DYNC1H1: variants seen among roughly 807,000 people sequenced by gnomAD.
The protein encoded by DYNC1H1 is dynein cytoplasmic 1 heavy chain 1.
DYNC1H1 carries 51 observed loss-of-function variants against 527.1 expected under a neutral mutation model. That is an observed-to-expected ratio of 0.10 (90% CI 0.08 to 0.12). The LOEUF is 0.12. Among genes scored for constraint, DYNC1H1 ranks in the 10% least tolerant of loss-of-function variants. DYNC1H1 has a pLI of 1.00. For missense variants in DYNC1H1, 2,771 were observed against 5,971.8 expected, an observed-to-expected ratio of 0.46 and a Z score of 17.66; for synonymous variants, 2,189 against 2,278.8, an observed-to-expected ratio of 0.96 and a Z score of 1.12.
In DYNC1H1 at chr14:102,039,318, G is replaced by T; in HGVS notation, c.11460+64G>T. 1 of 1,611,928 alleles carries T rather than the reference G, an allele frequency of 6.2e-7. No homozygotes were observed. The highest frequency in any genetic ancestry group is 8.5e-7 in the Non-Finnish European group (1 of 1,179,956). ...ACAGTAGCTCCTTGGCCGCACAGAG[G>T]CTGGCGGGCCCTGCACAGTAGCTCC... On this transcript the variant is annotated intron_variant, in intron 60 of 77. Transcript: ENST00000360184. This position sits in a 1 kb window ranked among gnomAD's most constrained non-coding sequence, Gnocchi z 7.0.
chr14:102,032,085 A>G (rs1208972465), intron 51 of DYNC1H1, among the ~76,000 whole-genome samples, 187 bp from the exon 52 acceptor site: 2 of 152,228 alleles, frequency 1.3e-5, no homozygotes, highest in Non-Finnish European at 2.9e-5. Flanking sequence ...CATTTAAGAG[A>G]TCAGCTACTT....
chr14:101,972,848 A>G (rs541991057), intron 1 of DYNC1H1, among the ~76,000 whole-genome samples: 1 of 152,304 alleles, frequency 6.6e-6, no homozygotes, highest in African/African-American at 2.4e-5. Flanking sequence ...TTTTATATAA[A>G]TGGTAGAACA....
rs1179960330 is a variant in DYNC1H1 at position 101,983,796 on chromosome 14, G to A, written c.1461+187G>A. On this transcript the variant is annotated intron_variant, in intron 7 of 77. Coordinates refer to ENST00000360184, the MANE Select transcript of DYNC1H1 (RefSeq NM_001376.5). This position sits in a 1 kb window ranked among gnomAD's most constrained non-coding sequence, Gnocchi z 5.3. The stretch of plus-strand genomic sequence containing the variant: ...GGGTTCAAGCGATTCTCCTGCCTCA[G>A]CCTCTCGAGTAGCTGGGATTACAGG... Among the ~76,000 whole-genome samples, 1 of 151,958 alleles carries A rather than the reference G, an allele frequency of 6.6e-6. No homozygotes were observed.
At chr14:102,021,575 C>T (rs565886550) in intron 42 of DYNC1H1, among the ~76,000 whole-genome samples, 2 of 152,090 alleles carry the variant, frequency 1.3e-5, no homozygotes, top group Admixed American at 1.3e-4. Context: ...AGCGCAGTCA[C>T]AGTCTCGCCT....
In DYNC1H1 at chr14:102,005,823, A is replaced by G. The variant is rs888884577; in HGVS notation, c.5434-65A>G. The stretch of plus-strand genomic sequence containing the variant: ...CTCAATTTCAGTTTAACAGTCCACA[A>G]ACCCGGAGAATGCACTGTATTGCTT... On this transcript the variant is annotated intron_variant, in intron 26 of 77. Coordinates refer to ENST00000360184, the MANE Select transcript of DYNC1H1 (RefSeq NM_001376.5). This position sits in a 1 kb window ranked among gnomAD's most constrained non-coding sequence, Gnocchi z 4.0. The G allele has an allele frequency of 2.5e-6, 4 of 1,603,002 alleles. No individual in the cohort carries two copies. Among genetic ancestry groups the G allele is most frequent in the Non-Finnish European group, 3.4e-6 (4 of 1,171,066 alleles).
intron 44 of DYNC1H1, chr14:102,026,910 C>G (rs951530462): frequency 9.7e-6 from 8 of 825,494 alleles, no homozygotes; most frequent in African/African-American, 5.1e-5. Flanking sequence ...CTTCCTCCCC[C>G]AGCACTGCAT....
Position 102,012,683 on chromosome 14 carries a change from C to G in DYNC1H1, c.7014+213C>G. ...ACATTTTAATAGGTTTTATTGATGG[C>G]TTTCTATCATTTATTGAGTAATAAG... is the stretch of plus-strand genomic sequence containing the variant. On this transcript the variant is annotated intron_variant, in intron 34 of 77. Transcript: ENST00000360184. The surrounding 1 kb of genome is among the most constrained non-coding windows in gnomAD (Gnocchi z 4.9). 1 of 629,982 alleles carries G rather than the reference C, an allele frequency of 1.6e-6. No homozygotes were observed. The highest frequency in any genetic ancestry group is 2.8e-6 in the Non-Finnish European group (1 of 360,666). 39.0% of individuals were successfully genotyped at this position (629,982 alleles called of 1,614,324 possible). A position where few individuals can be genotyped will look rare whatever the true frequency, so the allele number is the denominator to read the frequency against.
Position 102,038,375 on chromosome 14 carries a change from T to C in DYNC1H1, c.10909-85T>C. ...GGTGGCTTTTGGGAAGGTATGCTTA[T>C]CCAGAGTAGGACAGCAACATAGCAT... On this transcript the variant is annotated intron_variant, in intron 57 of 77. Coordinates refer to ENST00000360184, the MANE Select transcript of DYNC1H1 (RefSeq NM_001376.5). This position sits in a 1 kb window ranked among gnomAD's most constrained non-coding sequence, Gnocchi z 7.2. 6.4e-7 allele frequency: 1 copy of C among 1,567,032 alleles called. No homozygotes were observed. The highest frequency in any genetic ancestry group is 1.2e-5 in the South Asian group (1 of 86,522).
In DYNC1H1 at chr14:102,033,332, G is replaced by C; in HGVS notation, c.10261G>C (p.Asp3421His). 6.2e-7 allele frequency: 1 copy of C among 1,614,270 alleles called. No homozygotes were observed. The highest frequency in any genetic ancestry group is 8.5e-7 in the Non-Finnish European group (1 of 1,180,052). ...PLRNELQKLE[D>H]DAKDNQQKAN... ...ACGCAATGAGCTGCAGAAGCTGGAA[G>C]ATGACGCCAAGGACAACCAGCAGAA... is the stretch of plus-strand genomic sequence containing the variant. Residue 3421 changes from aspartate (D) to histidine (H), a missense_variant, in exon 54 of 78, where the codon GAT becomes CAT. Physicochemically the swap from Asp to His is moderately conservative, Grantham distance 81. Coordinates refer to ENST00000360184, the MANE Select transcript of DYNC1H1 (RefSeq NM_001376.5). This position sits in a 1 kb window ranked among gnomAD's most constrained non-coding sequence, Gnocchi z 5.6.
intron 41 of DYNC1H1, 43 bp from the exon 42 acceptor site, chr14:102,019,850 T>G (rs762549173): frequency 1.2e-6 from 2 of 1,613,088 alleles, no homozygotes; most frequent in Non-Finnish European, 1.7e-6. Flanking sequence ...TCTCTGTGTC[T>G]TAAGATATTT....
At position 101,988,705 on chromosome 14, in the gene DYNC1H1, T is replaced by G. The variant is rs114021657; in HGVS notation, c.2721T>G (p.Ile907Met). The G allele has an allele frequency of 6.2e-7, 1 of 1,614,048 alleles. No homozygotes were observed. Among genetic ancestry groups the G allele is most frequent in the African/African-American group, 1.3e-5 (1 of 74,910 alleles). ...CTCTGATATAACGTTGTCTGTAGATTGAAAGAATATTGGGCGTCCGTCTGC... is the reference window on the plus strand; with the variant it reads ...CTCTGATATAACGTTGTCTGTAGATGGAAAGAATATTGGGCGTCCGTCTGC... Reference protein sequence around the residue: ...PIWVNKLDMEIERILGVRLQA... With the variant: ...PIWVNKLDMEMERILGVRLQA... The change falls in exon 10 of 78, where the codon ATT becomes ATG. Residue 907 changes from isoleucine to methionine, a missense_variant and splice_region_variant. This residue lies in a region of DYNC1H1 where 179 missense variants were observed against 349.4 expected (regional missense o/e 0.51). Transcript: ENST00000360184.
intron 72 of DYNC1H1, among the ~76,000 whole-genome samples, chr14:102,046,638 A>G (rs2048723290): frequency 6.6e-6 from 1 of 152,218 alleles, no homozygotes; most frequent in African/African-American, 2.4e-5. Flanking sequence ...TTCTGAGTTA[A>G]GAGGGCAGGT....
At chr14:101,987,739 G>A in intron 9 of DYNC1H1, 107 bp downstream of exon 9, 2 of 1,315,852 alleles carry the variant, frequency 1.5e-6, no homozygotes, top group East Asian at 4.9e-5. Context: ...AATTATCTGT[G>A]ATAGTTCAAT....
chr14:102,056,408 G>T lies in DYNC1H1; in HGVS notation c.*5845G>T, dbSNP rs117208498. On this transcript the variant is annotated 3_prime_UTR_variant, in exon 78 of 78. Coordinates refer to ENST00000360184, the MANE Select transcript of DYNC1H1 (RefSeq NM_001376.5). ...TGGGATTTTAAGATGGTAACTTGCC[G>T]ATGCTCCCAGCTGAATAAAGCCCTT... 1 of 152,178 alleles carries T rather than the reference G, an allele frequency of 6.6e-6. No homozygotes were observed. Among genetic ancestry groups the T allele is most frequent in the South Asian group, 2.1e-4 (1 of 4,830 alleles). The allele number at this position is 152,178 out of a possible 1,614,324, so 9.4% of individuals were successfully genotyped here.
In DYNC1H1 at chr14:102,005,440, A is replaced by G. The variant is rs1416897590; in HGVS notation, c.5433+204A>G. ...CAGGGGCATGCAGGGGTTACGCGAC[A>G]TCACGGTAGAGAGGAAGGGATCAAC... On this transcript the variant is annotated intron_variant, in intron 26 of 77. Coordinates refer to ENST00000360184, the MANE Select transcript of DYNC1H1 (RefSeq NM_001376.5). The surrounding 1 kb of genome is among the most constrained non-coding windows in gnomAD (Gnocchi z 4.0). Among the ~76,000 whole-genome samples, 1 of 152,242 alleles carries G rather than the reference A, an allele frequency of 6.6e-6. No individual in the cohort carries two copies. Among genetic ancestry groups the G allele is most frequent in the Non-Finnish European group, 1.5e-5 (1 of 68,046 alleles).
At position 102,043,863 on chromosome 14, in the gene DYNC1H1, T is replaced by C. The variant is rs781162443; in HGVS notation, c.12514-12T>C. 1.2e-5 allele frequency: 20 copies of C among 1,614,082 alleles called. No homozygotes were observed. Among genetic ancestry groups the C allele is most frequent in the Non-Finnish European group, 1.6e-5 (19 of 1,180,044 alleles). ...TTCTAATGACTCTGTGCTTGGTCAC[T>C]TTCCTCACCAGTCTCCCAACGAGCG... is the stretch of plus-strand genomic sequence containing the variant. On this transcript the variant is annotated splice_polypyrimidine_tract_variant and intron_variant, in intron 69 of 77. Transcript: ENST00000360184.
intron 16 of DYNC1H1, among the ~76,000 whole-genome samples, chr14:101,999,559 A>C (rs1448850191): frequency 6.6e-6 from 1 of 152,242 alleles, no homozygotes; most frequent in African/African-American, 2.4e-5. Context: ...ATGCTGAAGT[A>C]GAGTCTGTTT....
chr14:101,984,550 G>T (rs2047910425), intron 7 of DYNC1H1, among the ~76,000 whole-genome samples: 1 of 146,672 alleles, frequency 6.8e-6, no homozygotes, highest in South Asian at 2.2e-4. Flanking sequence ...TGCCTCTGGG[G>T]TTCAAGCAAT....
chr14:101,980,675 T>G, intron 5 of DYNC1H1, 125 bp downstream of exon 5: 1 of 1,108,562 alleles, frequency 9.0e-7, no homozygotes, highest in Non-Finnish European at 1.3e-6. Flanking sequence ...CCATTTCCTT[T>G]CTTACATCAC....
Sources: allele counts gnomAD v4.1 joint callset (sites outside exome capture counted in the v4.1 genomes callset), GRCh38; gene constraint gnomAD v4.1.1; regional missense constraint gnomAD v4.1.1; non-coding constraint Gnocchi (gnomAD v3.1); transcripts MANE v1.5; gene names NCBI Gene and HGNC (gene_info 2026-07-23, HGNC 2026-07-21).